PRRC2C: variants seen among roughly 807,000 people sequenced by gnomAD.
PRRC2C encodes the protein protein PRRC2C.
In PRRC2C, 72 loss-of-function variants were observed where a neutral mutation model predicts 317.2. That is an observed-to-expected ratio of 0.23 (90% CI 0.19 to 0.28). PRRC2C has a LOEUF of 0.28. Ranked by LOEUF, PRRC2C falls within the 10% of genes least tolerant of loss-of-function variation. PRRC2C has a pLI of 1.00. For missense variants in PRRC2C, 3,074 were observed against 3,459.7 expected, an observed-to-expected ratio of 0.89 and a Z score of 2.80; for synonymous variants, 1,296 against 1,205.9, an observed-to-expected ratio of 1.07 and a Z score of -1.55.
At chr1:171,518,914 G>T (rs1320197455) in intron 6 of PRRC2C, among the ~76,000 whole-genome samples, 1 of 140,866 alleles carries the variant, frequency 7.1e-6, no homozygotes, top group Non-Finnish European at 1.5e-5. Flanking sequence ...ACAGAGTCTC[G>T]CTCTGTCACC....
At chr1:171,519,720 C>A (rs1220510241) in intron 6 of PRRC2C, among the ~76,000 whole-genome samples, 4 of 152,200 alleles carry the variant, frequency 2.6e-5, no homozygotes, top group Non-Finnish European at 5.9e-5. Context: ...AAACAAAAAT[C>A]TAGGTCATAT....
At position 171,512,022 on chromosome 1, in the gene PRRC2C, A is replaced by T; in HGVS notation, c.-57-10A>T. On this transcript the variant is annotated splice_polypyrimidine_tract_variant and intron_variant, in intron 1 of 34. Coordinates refer to ENST00000647382, the MANE Select transcript of PRRC2C (RefSeq NM_001387844.1). ...TCATCCTTATTTTTCTTTCTTATGT[A>T]CATCTTAAGGACTGGGGTTTTAAGG... is the stretch of plus-strand genomic sequence containing the variant. 1.3e-6 allele frequency: 1 copy of T among 785,270 alleles called. No homozygotes were observed. Among genetic ancestry groups the T allele is most frequent in the South Asian group, 2.0e-5 (1 of 50,694 alleles). 48.6% of individuals were successfully genotyped at this position (785,270 alleles called of 1,614,324 possible).
At chr1:171,504,022 G>A (rs768987305) in intron 1 of PRRC2C, among the ~76,000 whole-genome samples, 2 of 152,122 alleles carry the variant, frequency 1.3e-5, no homozygotes, top group Non-Finnish European at 2.9e-5. Flanking sequence ...GGAATTGAGG[G>A]AGGTACAATT....
intron 23 of PRRC2C, among the ~76,000 whole-genome samples, chr1:171,570,028 G>T (rs1051219705): frequency 2.0e-5 from 3 of 152,086 alleles, no homozygotes; most frequent in Non-Finnish European, 2.9e-5. Flanking sequence ...TCATATATAG[G>T]TGAATAGTCT....
Position 171,557,950 on chromosome 1 carries a change from A to C in PRRC2C, c.5838A>C (p.Leu1946=). ...AQTHKPVQNP[L]QTTSQSSKQP... is the part of the protein sequence containing the mutation. ...CCCACAAACCAGTCCAGAATCCACT[A>C]CAGACTACATCTCAGTCTTCAAAAC... Residue 1946 remains leucine, a synonymous_variant, in exon 19 of 35, where the codon CTA becomes CTC. Coordinates refer to ENST00000647382, the MANE Select transcript of PRRC2C (RefSeq NM_001387844.1). The C allele has an allele frequency of 1.9e-6, 3 of 1,607,084 alleles. No individual in the cohort carries two copies. The highest frequency in any genetic ancestry group is 2.2e-5 in the South Asian group (2 of 90,032).
chr1:171,555,328 C>A (rs1393827938), intron 18 of PRRC2C, among the ~76,000 whole-genome samples: 1 of 152,194 alleles, frequency 6.6e-6, no homozygotes, highest in African/African-American at 2.4e-5. Context: ...CATTTAAGGT[C>A]TTTTCTACAC....
intron 3 of PRRC2C, chr1:171,513,439 A>T (rs1247627926): frequency 1.8e-6 from 1 of 543,650 alleles, no homozygotes; most frequent in Admixed American, 2.2e-5. Flanking sequence ...CTTTCATACT[A>T]CCACCAACTC....
At chr1:171,506,601 C>CTTTT (rs71107322) in intron 1 of PRRC2C, among the ~76,000 whole-genome samples, 1 of 135,756 alleles carries the variant, frequency 7.4e-6, no homozygotes, top group Non-Finnish European at 1.5e-5. Flanking sequence ...CACTTAAGGT[C>CTTTT]TTTTTTTTTT....
At chr1:171,488,254 A>T (rs891829912) in intron 1 of PRRC2C, among the ~76,000 whole-genome samples, 1 of 152,214 alleles carries the variant, frequency 6.6e-6, no homozygotes, top group Non-Finnish European at 1.5e-5. Flanking sequence ...AGTGAAGGAC[A>T]TACAAAAATT....
chr1:171,590,538 TAGA>T (rs1651195191), intron 34 of PRRC2C, among the ~76,000 whole-genome samples: 1 of 152,220 alleles, frequency 6.6e-6, no homozygotes, highest in Admixed American at 6.5e-5. Context: ...TACTCTGAAT[TAGA>T]AACATGTTTA....
chr1:171,536,331 G>C (rs1676823995), intron 14 of PRRC2C, 53 bp downstream of exon 14: 1 of 1,548,200 alleles, frequency 6.5e-7, no homozygotes, highest in Non-Finnish European at 8.8e-7. Context: ...TTTTTTCCCT[G>C]CTTTTAGTTT....
At chr1:171,523,582 T>A in intron 9 of PRRC2C, 60 bp downstream of exon 9, 1 of 1,333,294 alleles carries the variant, frequency 7.5e-7, no homozygotes, top group South Asian at 1.3e-5. Flanking sequence ...TATTAGCTAC[T>A]TATGCAAAGA....
At chr1:171,511,915 C>T in intron 1 of PRRC2C, 117 bp from the exon 2 acceptor site, 2 of 474,854 alleles carry the variant, frequency 4.2e-6, no homozygotes, top group Non-Finnish European at 7.9e-6. Context: ...TGGAATTTGA[C>T]AGTTAAAAAG....
intron 5 of PRRC2C, among the ~76,000 whole-genome samples, chr1:171,517,246 C>T (rs1199630109): frequency 1.3e-5 from 2 of 152,192 alleles, no homozygotes; most frequent in African/African-American, 4.8e-5. Flanking sequence ...TTCCTTCCCT[C>T]AGGAAACCTC....
At position 171,566,641 on chromosome 1, in the gene PRRC2C, T is replaced by C; in HGVS notation, c.6356T>C (p.Ile2119Thr). 6.2e-7 allele frequency: 1 copy of C among 1,604,882 alleles called. No individual in the cohort carries two copies. The highest frequency in any genetic ancestry group is 8.5e-7 in the Non-Finnish European group (1 of 1,175,200). ...VENKEHKPGP[I>T]GKERSLKNRK... Reference sequence around the variant, plus strand: ...AACAAAGAACACAAACCTGGTCCCATTGGAAAGGAACGTTCATTAAAAAAT... The same window carrying C: ...AACAAAGAACACAAACCTGGTCCCACTGGAAAGGAACGTTCATTAAAAAAT... The change falls in exon 22 of 35, where the codon ATT (isoleucine) becomes ACT (threonine). Residue 2119 changes from isoleucine to threonine, a missense_variant. Ile to Thr is a moderately conservative substitution (Grantham distance 89, BLOSUM62 -1). Around this residue, in one of 11 missense-constraint regions of PRRC2C, gnomAD observed 640 missense variants for 676.1 expected, o/e 0.95. Coordinates refer to ENST00000647382, the MANE Select transcript of PRRC2C (RefSeq NM_001387844.1).
chr1:171,566,396 G>A lies in PRRC2C; in HGVS notation c.6281G>A (p.Arg2094Gln), dbSNP rs765338246. 18 of 1,581,876 alleles carry A rather than the reference G, an allele frequency of 1.1e-5. No homozygotes were observed. Among genetic ancestry groups the A allele is most frequent in the East Asian group, 4.6e-5 (2 of 43,320 alleles). Residue 2094 changes from arginine to glutamine, a missense_variant, in exon 21 of 35, where the codon CGA becomes CAA. This residue lies in a region of PRRC2C where 640 missense variants were observed against 676.1 expected (regional missense o/e 0.95). Transcript: ENST00000647382. ...AAAGAACAGCGGCAGAAGCAGCCAC[G>A]AGCAGGACCTATCAAAGCCCAGAAG... ...EPKEQRQKQP[R>Q]AGPIKAQKLP...
chr1:171,577,773 T>C (rs10659826), intron 26 of PRRC2C, 136 bp downstream of exon 26: 1 of 153,064 alleles, frequency 6.5e-6, no homozygotes, highest in South Asian at 6.1e-5. Flanking sequence ...AAATTCGCAT[T>C]TTTTTTTTTT....
At chr1:171,550,007 A>T (rs1470285360) in intron 17 of PRRC2C, 79 bp from the exon 18 acceptor site, 21 of 1,087,760 alleles carry the variant, frequency 1.9e-5, no homozygotes, top group Non-Finnish European at 2.5e-5. Flanking sequence ...TTTTTTTTTA[A>T]GTACTACTGT....
intron 19 of PRRC2C, among the ~76,000 whole-genome samples, chr1:171,558,542 A>G (rs1021631631): frequency 6.6e-6 from 1 of 152,178 alleles, no homozygotes. Flanking sequence ...CATTCTTGCA[A>G]TATGTCAAAT....
Sources: gnomAD v4.1 joint callset for allele counts (sites outside exome capture counted in the v4.1 genomes callset) on GRCh38, gnomAD v4.1.1 for gene constraint, gnomAD v4.1.1 regional missense constraint, MANE v1.5 for transcripts, NCBI Gene and HGNC (gene_info 2026-07-23, HGNC 2026-07-21) for gene names.